The following UVSSA variants were observed in gnomAD, a reference collection of about 807,000 sequenced individuals.
UVSSA encodes the protein UV stimulated scaffold protein A, also known as UV-stimulated scaffold protein A.
In UVSSA, 72 loss-of-function variants were observed where a neutral mutation model predicts 73.9. The observed-to-expected ratio is 0.97, with a 90% CI of 0.81 to 1.19. The LOEUF (loss-of-function observed/expected upper bound fraction) is 1.19, where lower values mean the gene tolerates loss of function less well. UVSSA is among the 50% of genes most tolerant of loss of function. The pLI, the probability that UVSSA is intolerant of heterozygous loss-of-function variation, is 0.00. For missense variants in UVSSA, 1,150 were observed against 965.0 expected (o/e 1.19, Z -2.54); for synonymous variants, 454 against 391.3 (o/e 1.16, Z -1.89).
At chr4:1,351,917 C>T in intron 4 of UVSSA, 82 bp downstream of exon 4, 1 of 1,559,498 alleles carries the variant, frequency 6.4e-7, no homozygotes, top group Non-Finnish European at 8.7e-7. Context: ...GGTCCCAGGG[C>T]CCCAGCCGCA....
Position 1,382,365 on chromosome 4 carries a change from C to T in UVSSA, c.1861+1377C>T, listed in dbSNP as rs547127139. On this transcript the variant is annotated intron_variant, in intron 12 of 13. Coordinates refer to ENST00000389851, the MANE Select transcript of UVSSA (RefSeq NM_020894.4). ...GCCAGTCAGATGTGAAATAGTGTCT[C>T]TTTACTAACTACGGTATTGATCCCC... 1.7e-4 allele frequency among the ~76,000 whole-genome samples: 26 copies of T among 152,368 alleles called. No individual in the cohort carries two copies. The South Asian group carries it at 5.0e-3, about 29-fold the overall frequency.
upstream of UVSSA, among the ~76,000 whole-genome samples, chr4:1,345,278 G>A (rs1713578475): frequency 6.6e-6 from 1 of 152,150 alleles, no homozygotes; most frequent in Non-Finnish European, 1.5e-5. Context: ...AAATGGGCAT[G>A]GAGTGAGAGG....
At chr4:1,380,287 A>G in intron 11 of UVSSA, 57 bp downstream of exon 11, 1 of 1,560,340 alleles carries the variant, frequency 6.4e-7, no homozygotes, top group Admixed American at 1.8e-5. Flanking sequence ...TGGGGCAGCC[A>G]GAGGGGTGCT....
At position 1,386,271 on chromosome 4, in the gene UVSSA, C is replaced by T. The variant is rs2109323999; in HGVS notation, c.*310C>T. Reference sequence around the variant, plus strand: ...CCAGTGCTTGTCGTGGTGTGGGGTTCAGCACGGACGGAATGTGTGTGCAGC... The same window carrying T: ...CCAGTGCTTGTCGTGGTGTGGGGTTTAGCACGGACGGAATGTGTGTGCAGC... On this transcript the variant is annotated 3_prime_UTR_variant, in exon 14 of 14. Transcript: ENST00000389851. 1 of 332,068 alleles carries T rather than the reference C, an allele frequency of 3.0e-6. No individual in the cohort carries two copies. Among genetic ancestry groups the T allele is most frequent in the East Asian group, 6.4e-5 (1 of 15,600 alleles). 20.6% of individuals were successfully genotyped at this position (332,068 alleles called of 1,614,324 possible). A position where few individuals can be genotyped will look rare whatever the true frequency, so the allele number is the denominator to read the frequency against.
chr4:1,374,622 G>A (rs1160121660), intron 8 of UVSSA, among the ~76,000 whole-genome samples: 1 of 152,188 alleles, frequency 6.6e-6, no homozygotes, highest in East Asian at 1.9e-4. Context: ...GCGGCGGGGC[G>A]GACCCTCTTC....
intron 11 of UVSSA, 103 bp from the exon 12 acceptor site, chr4:1,380,777 C>T (rs1171257794): frequency 1.9e-6 from 3 of 1,583,668 alleles, no homozygotes; most frequent in Admixed American, 1.8e-5. Context: ...TGTGATACCA[C>T]CCACCCTGGT....
Position 1,353,113 on chromosome 4 carries a change from C to A in UVSSA, c.634C>A (p.Pro212Thr), listed in dbSNP as rs755488475. Residue 212 changes from proline to threonine, a missense_variant, in exon 5 of 14, where the codon CCG becomes ACG. Coordinates refer to ENST00000389851, the MANE Select transcript of UVSSA (RefSeq NM_020894.4). Reference sequence around the variant, plus strand: ...GGTGCCTTTTGACTTTGACCCGAACCCGGAGACGGAATCCCTTGGCATGGC... The same window carrying A: ...GGTGCCTTTTGACTTTGACCCGAACACGGAGACGGAATCCCTTGGCATGGC... ...LLVPFDFDPN[P>T]ETESLGMASG... The A allele has an allele frequency of 1.2e-6, 2 of 1,612,974 alleles. No individual in the cohort carries two copies. The highest frequency in any genetic ancestry group is 1.7e-5 in the Admixed American group (1 of 60,008).
exon 14 of UVSSA, chr4:1,394,763 CCACCT>C (rs779640818): frequency 1.3e-6 from 2 of 1,583,758 alleles, no homozygotes; most frequent in Non-Finnish European, 8.6e-7. Context: ...TGTGGAGTGC[CCACCT>C]GCTCACATGT....
rs1334210937 is a variant in UVSSA at position 1,349,671 on chromosome 4, C to A, written c.246C>A (p.Asn82Lys). 1 of 1,614,056 alleles carries A rather than the reference C, an allele frequency of 6.2e-7. No homozygotes were observed. Among genetic ancestry groups the A allele is most frequent in the Admixed American group, 1.7e-5 (1 of 60,012 alleles). ...SHQFRMLVVS[N>K]FQEFLELTLG... is the part of the protein sequence containing the mutation. Reference sequence around the variant, plus strand: ...AGTTCCGGATGCTGGTTGTTTCCAACTTCCAGGAGTTCCTGGAGCTCACGC... The same window carrying A: ...AGTTCCGGATGCTGGTTGTTTCCAAATTCCAGGAGTTCCTGGAGCTCACGC... The change falls in exon 3 of 14, where the codon AAC becomes AAA. Residue 82 changes from asparagine (N) to lysine (K), a missense_variant. By Grantham distance (94) the Asn-to-Lys change is moderately conservative. Coordinates refer to ENST00000389851, the MANE Select transcript of UVSSA (RefSeq NM_020894.4).
chr4:1,353,327 A>T lies in UVSSA; in HGVS notation c.848A>T (p.Glu283Val). 6.2e-7 allele frequency: 1 copy of T among 1,611,792 alleles called. No homozygotes were observed. The highest frequency in any genetic ancestry group is 8.5e-7 in the Non-Finnish European group (1 of 1,179,732). The change falls in exon 5 of 14, where the codon GAG (glutamate) becomes GTG (valine). Residue 283 changes from glutamate to valine, a missense_variant. Transcript: ENST00000389851. ...ACAGCCACAGGTGACCCCTCAGATG[A>T]GGACGAGGACAGCGACCTCGAGGAG... ...SQTATGDPSD[E>V]DEDSDLEEFV...
intron 7 of UVSSA, among the ~76,000 whole-genome samples, chr4:1,364,539 T>C (rs1717061471): frequency 6.6e-6 from 1 of 152,164 alleles, no homozygotes. Context: ...GCCTTTGAGG[T>C]GTTGCTGCTG....
chr4:1,394,137 C>T (rs1720467549), exon 14 of UVSSA: 1 of 380,080 alleles, frequency 2.6e-6, no homozygotes, highest in Non-Finnish European at 4.9e-6. Context: ...GAGGTGAGGG[C>T]CAGGGCAGCT....
intron 1 of UVSSA, 129 bp downstream of exon 1, chr4:1,347,889 T>C (rs1275563529): frequency 1.8e-6 from 1 of 568,834 alleles, no homozygotes; most frequent in East Asian, 2.9e-5. Flanking sequence ...GAGTTTAAGG[T>C]TCACTTTTAA....
upstream of UVSSA, among the ~76,000 whole-genome samples, chr4:1,343,481 G>C (rs1053689188): frequency 7.2e-5 from 11 of 152,148 alleles, no homozygotes; most frequent in African/African-American, 2.4e-4. Context: ...TAACAATATT[G>C]AGTCCTCAAC....
At chr4:1,351,871 C>T in intron 4 of UVSSA, 36 bp downstream of exon 4, 1 of 1,606,838 alleles carries the variant, frequency 6.2e-7, no homozygotes, top group Non-Finnish European at 8.5e-7. Flanking sequence ...GCCCACGCCT[C>T]TGAGGGTTGC....
chr4:1,395,717 A>C (rs779733970), exon 14 of UVSSA: 2 of 1,614,162 alleles, frequency 1.2e-6, no homozygotes, highest in East Asian at 2.2e-5. Context: ...AAGCCCTGGC[A>C]TGGTGGTTCT....
chr4:1,354,960 C>T (rs956894962), intron 6 of UVSSA, 113 bp downstream of exon 6: 108 of 1,529,104 alleles, frequency 7.1e-5, no homozygotes, highest in East Asian at 1.2e-4. Context: ...GCCCTTAACC[C>T]GCGAGGGCTC....
chr4:1,354,312 G>C (rs1232822531), intron 5 of UVSSA, among the ~76,000 whole-genome samples: 1 of 152,146 alleles, frequency 6.6e-6, no homozygotes, highest in African/African-American at 2.4e-5. Flanking sequence ...AACTGGAGTT[G>C]GGGTGTCCAG....
rs1282824874 is a variant in UVSSA at position 1,395,844 on chromosome 4, A to C, written c.*9883A>C. 7 of 1,613,080 alleles carry C rather than the reference A, an allele frequency of 4.3e-6. No homozygotes were observed. The Admixed American group carries it at 1.2e-4, about 27-fold the overall frequency. ...CTTTTATATTTCTCTGCACCTCGAG[A>C]TAACGTAGGAATATTAGGGATGAGA... On this transcript the variant is annotated 3_prime_UTR_variant, in exon 14 of 14. Coordinates refer to the UVSSA transcript ENST00000511216.
Sources: gnomAD v4.1 joint callset for allele counts (sites outside exome capture counted in the v4.1 genomes callset) on GRCh38, gnomAD v4.1.1 for gene constraint, MANE v1.5 for transcripts, NCBI Gene and HGNC (gene_info 2026-07-23, HGNC 2026-07-21) for gene names.